Variants in CYP19A1 observed in about 807,000 individuals in gnomAD.
The protein encoded by CYP19A1 is aromatase.
CYP19A1 carries 32 observed loss-of-function variants against 44.4 expected under a neutral mutation model. The observed-to-expected ratio is 0.72, with a 90% CI of 0.54 to 0.97. The LOEUF (loss-of-function observed/expected upper bound fraction) is 0.97. Ranked by LOEUF, CYP19A1 falls within the 50% of genes least tolerant of loss-of-function variation. The pLI is 0.00. For missense variants in CYP19A1, 598 were observed against 637.8 expected (o/e 0.94, Z 0.67); for synonymous variants, 212 against 215.6 (o/e 0.98, Z 0.14).
chr15:51,211,808 C>T (rs2031021809), intron 9 of CYP19A1: 1 of 303,846 alleles, frequency 3.3e-6, no homozygotes, highest in South Asian at 2.8e-5. Context: ...AAAAGAAAAA[C>T]TGTCTCTCTT....
chr15:51,300,895 T>C (rs1167339282), intron 1 of CYP19A1, among the ~76,000 whole-genome samples: 1 of 151,002 alleles, frequency 6.6e-6, no homozygotes, highest in East Asian at 1.9e-4. Flanking sequence ...CAAACTGAAT[T>C]TGGACACCAA....
intron 1 of CYP19A1, among the ~76,000 whole-genome samples, chr15:51,274,712 G>C (rs111479949): frequency 2.6e-4 from 40 of 152,322 alleles, no homozygotes; most frequent in African/African-American, 9.1e-4. Flanking sequence ...GATGCACAGA[G>C]TGTTTATTCT....
rs187236530 is a variant in CYP19A1 at position 51,297,614 on chromosome 15, G to A, written c.-39+40881C>T. Among the ~76,000 whole-genome samples the A allele has an allele frequency of 4.6e-3, 698 of 152,090 alleles. 5 individuals carry two copies. Among genetic ancestry groups the A allele is most frequent in the Non-Finnish European group, 8.8e-3 (600 of 68,002 alleles). On this transcript the variant is annotated intron_variant, in intron 1 of 9. Coordinates refer to ENST00000396402, the MANE Select transcript of CYP19A1 (RefSeq NM_000103.4). ...TCCATGATTTCAATAAGGCTTTCCT[G>A]CAGACACCCCCAGTGCTCTGCTCTG...
At chr15:51,282,952 AAGG>A (rs1285697723) in intron 1 of CYP19A1, among the ~76,000 whole-genome samples, 1 of 152,206 alleles carries the variant, frequency 6.6e-6, no homozygotes, top group African/African-American at 2.4e-5. Flanking sequence ...TAGTACGGTA[AAGG>A]AGTTTTGCCC....
At chr15:51,250,347 T>C (rs1021614974) in intron 1 of CYP19A1, among the ~76,000 whole-genome samples, 4 of 152,210 alleles carry the variant, frequency 2.6e-5, no homozygotes, top group Admixed American at 2.6e-4. Flanking sequence ...TGTGGGTTTG[T>C]AGAATCACTC....
intron 1 of CYP19A1, among the ~76,000 whole-genome samples, chr15:51,338,140 G>T (rs1160739076): frequency 1.3e-5 from 2 of 152,120 alleles, no homozygotes; most frequent in East Asian, 3.8e-4. Context: ...GCTCTGAACT[G>T]GGGTGGGAGG....
intron 1 of CYP19A1, among the ~76,000 whole-genome samples, chr15:51,252,819 G>A (rs549309868): frequency 8.5e-5 from 13 of 152,334 alleles, no homozygotes; most frequent in African/African-American, 3.1e-4. Context: ...GGAATATGGG[G>A]AAATGAGGTT....
intron 1 of CYP19A1, among the ~76,000 whole-genome samples, chr15:51,285,810 A>G (rs1161877544): frequency 1.3e-5 from 2 of 152,104 alleles, no homozygotes; most frequent in Non-Finnish European, 2.9e-5. Flanking sequence ...CAGCCTCCAT[A>G]CTTGCGTTAG....
At chr15:51,217,574 C>T (rs1201829406) in intron 6 of CYP19A1, among the ~76,000 whole-genome samples, 1 of 152,128 alleles carries the variant, frequency 6.6e-6, no homozygotes, top group Non-Finnish European at 1.5e-5. Context: ...TATCGAATTT[C>T]AAAATCCACA....
At chr15:51,227,485 T>C (rs2032676330) in intron 4 of CYP19A1, among the ~76,000 whole-genome samples, 1 of 151,950 alleles carries the variant, frequency 6.6e-6, no homozygotes, top group East Asian at 1.9e-4. Context: ...TGGTCTCAAA[T>C]ATGGCGAAAC....
chr15:51,288,272 C>T (rs1386059263), intron 1 of CYP19A1, among the ~76,000 whole-genome samples: 1 of 152,164 alleles, frequency 6.6e-6, no homozygotes, highest in African/African-American at 2.4e-5. Flanking sequence ...TCCTGCCATA[C>T]TCCCAGCCCA....
chr15:51,249,057 G>A (rs567451484), intron 1 of CYP19A1, among the ~76,000 whole-genome samples: 5 of 151,374 alleles, frequency 3.3e-5, no homozygotes, highest in East Asian at 1.9e-4. Flanking sequence ...CTCCTGCCTC[G>A]GCCTCCCGAG....
intron 1 of CYP19A1, among the ~76,000 whole-genome samples, chr15:51,276,824 T>C (rs2035325397): frequency 6.6e-6 from 1 of 152,212 alleles, no homozygotes; most frequent in South Asian, 2.1e-4. Context: ...AACGTAATCA[T>C]AATGTGCTAT....
intron 1 of CYP19A1, among the ~76,000 whole-genome samples, chr15:51,309,413 G>A (rs1199123635): frequency 6.6e-6 from 1 of 152,188 alleles, no homozygotes; most frequent in Non-Finnish European, 1.5e-5. Flanking sequence ...TCTGCTTTAT[G>A]AAGGATTATC....
At chr15:51,262,311 T>G (rs900284941) in intron 1 of CYP19A1, among the ~76,000 whole-genome samples, 37 of 152,196 alleles carry the variant, frequency 2.4e-4, no homozygotes, top group Non-Finnish European at 4.9e-4. Context: ...AAATCTCTGT[T>G]CAGGGCTCTC....
intron 1 of CYP19A1, among the ~76,000 whole-genome samples, chr15:51,290,885 T>G (rs1277693474): frequency 6.6e-6 from 1 of 152,224 alleles, no homozygotes; most frequent in African/African-American, 2.4e-5. Flanking sequence ...TTGATCCTCT[T>G]GCCTAGGATC....
intron 3 of CYP19A1, among the ~76,000 whole-genome samples, chr15:51,232,281 C>T (rs920712121): frequency 2.6e-5 from 4 of 152,216 alleles, no homozygotes; most frequent in Admixed American, 2.6e-4. Context: ...TTGCTAAATG[C>T]AGTACTGAAA....
intron 4 of CYP19A1, among the ~76,000 whole-genome samples, chr15:51,226,760 C>T (rs1462427979): frequency 1.3e-5 from 2 of 151,590 alleles, no homozygotes; most frequent in Non-Finnish European, 2.9e-5. Flanking sequence ...TATTCCCCAA[C>T]AGTTTCATTT....
intron 1 of CYP19A1, among the ~76,000 whole-genome samples, chr15:51,269,062 T>C (rs1408440112): frequency 6.6e-6 from 1 of 152,130 alleles, no homozygotes; most frequent in Non-Finnish European, 1.5e-5. Flanking sequence ...TCAAGTGTCT[T>C]TATGGCTCCT....
Sources: gnomAD v4.1 joint callset for allele counts (sites outside exome capture counted in the v4.1 genomes callset) on GRCh38, gnomAD v4.1.1 for gene constraint, MANE v1.5 for transcripts, NCBI Gene and HGNC (gene_info 2026-07-23, HGNC 2026-07-21) for gene names.